PPM1L: variants seen among roughly 807,000 people sequenced by gnomAD.
PPM1L encodes the protein protein phosphatase 1L.
Under a neutral mutation model 31.4 loss-of-function variants are expected in PPM1L, and 13 were observed. That is an observed-to-expected ratio of 0.41 (90% CI 0.27 to 0.66). The LOEUF is 0.66. PPM1L is among the 30% of genes least tolerant of loss of function. The pLI, the probability that PPM1L is intolerant of heterozygous loss-of-function variation, is 0.29. For missense variants in PPM1L, 326 were observed against 453.7 expected (o/e 0.72, Z 2.56); for synonymous variants, 184 against 175.4 (o/e 1.05, Z -0.39).
At chr3:160,773,868 T>A (rs1375288478) in intron 1 of PPM1L, among the ~76,000 whole-genome samples, 1 of 152,130 alleles carries the variant, frequency 6.6e-6, no homozygotes, top group South Asian at 2.1e-4. Flanking sequence ...TTGGTTTTAA[T>A]GACACCACCT....
At chr3:160,866,489 A>T (rs1339791704) in intron 1 of PPM1L, among the ~76,000 whole-genome samples, 1 of 152,198 alleles carries the variant, frequency 6.6e-6, no homozygotes. Context: ...AACATTTAGG[A>T]ACTTAATTCT....
At chr3:160,943,169 G>A (rs571399383) in intron 1 of PPM1L, among the ~76,000 whole-genome samples, 3 of 152,244 alleles carry the variant, frequency 2.0e-5, no homozygotes, top group South Asian at 2.1e-4. Flanking sequence ...TTCTCACAGC[G>A]ATCAGGGTAA....
intron 1 of PPM1L, among the ~76,000 whole-genome samples, chr3:160,766,187 A>G (rs1202691971): frequency 2.0e-5 from 3 of 152,110 alleles, no homozygotes; most frequent in Non-Finnish European, 4.4e-5. Flanking sequence ...TTTTATTAAT[A>G]TTTATATAGG....
At position 160,966,142 on chromosome 3, in the gene PPM1L, G is replaced by C. The variant is rs1243959236; in HGVS notation, c.574+4232G>C. On this transcript the variant is annotated intron_variant, in intron 2 of 3. Coordinates refer to ENST00000498165, the MANE Select transcript of PPM1L (RefSeq NM_139245.4). ...CAACCCTACCGTGTCACAGAACTGT[G>C]GACAAGTCCATACAACAGAGGCTTT... Among the ~76,000 whole-genome samples the C allele has an allele frequency of 2.0e-5, 3 of 151,956 alleles. No individual in the cohort carries two copies. The East Asian group carries it at 5.8e-4, about 29-fold the overall frequency.
At chr3:160,868,736 T>G (rs2108027616) in intron 1 of PPM1L, among the ~76,000 whole-genome samples, 1 of 152,180 alleles carries the variant, frequency 6.6e-6, no homozygotes, top group Non-Finnish European at 1.5e-5. Context: ...ATGGTTTTAC[T>G]TGTAGAAAGC....
chr3:160,843,037 A>C lies in PPM1L; in HGVS notation c.399+86330A>C, dbSNP rs886458071. ...TTTCCAATAGTTTTTGGCTTTTACT[A>C]TTCTTAATAAGTTACACTTATAAAG... On this transcript the variant is annotated intron_variant, in intron 1 of 3. Coordinates refer to ENST00000498165, the MANE Select transcript of PPM1L (RefSeq NM_139245.4). 1.2e-4 allele frequency among the ~76,000 whole-genome samples: 18 copies of C among 152,070 alleles called. 1 individual carries two copies. The highest frequency in any genetic ancestry group is 2.2e-4 in the Non-Finnish European group (15 of 67,998).
intron 2 of PPM1L, among the ~76,000 whole-genome samples, chr3:160,973,769 T>TTG (rs1553751139): frequency 2.3e-5 from 1 of 43,942 alleles, no homozygotes; most frequent in East Asian, 1.9e-3. Flanking sequence ...GCCCTGTTTT[T>TTG]TTTTTTTTTT....
intron 1 of PPM1L, among the ~76,000 whole-genome samples, chr3:160,846,929 A>T (rs1167573794): frequency 6.6e-6 from 1 of 152,156 alleles, no homozygotes; most frequent in Non-Finnish European, 1.5e-5. Context: ...AATTTACAGT[A>T]AGAGACTCAT....
rs139109774 is a variant in PPM1L, at chr3:160,942,053, A to T, written c.400-19683A>T. On this transcript the variant is annotated intron_variant, in intron 1 of 3. Transcript: ENST00000498165. ...TTATTCATTTTCCCTTTCGAGTGTCATAGATGTTAAACATTTCACTTGATT... is the reference window on the plus strand; with the variant it reads ...TTATTCATTTTCCCTTTCGAGTGTCTTAGATGTTAAACATTTCACTTGATT... Among the ~76,000 whole-genome samples the T allele has an allele frequency of 1.3e-3, 202 of 152,326 alleles. 2 individuals carry two copies. Among genetic ancestry groups the T allele is most frequent in the African/African-American group, 4.6e-3 (193 of 41,578 alleles).
At chr3:160,758,265 T>C (rs551632732) in intron 1 of PPM1L, among the ~76,000 whole-genome samples, 2 of 152,278 alleles carry the variant, frequency 1.3e-5, no homozygotes, top group East Asian at 3.9e-4. Context: ...AAACATATCT[T>C]AATGACAAAG....
At chr3:161,053,029 G>A (rs910695190) in intron 2 of PPM1L, among the ~76,000 whole-genome samples, 2 of 152,150 alleles carry the variant, frequency 1.3e-5, no homozygotes, top group African/African-American at 4.8e-5. Flanking sequence ...AATTTGCTGG[G>A]AACCCTAAAA....
intron 2 of PPM1L, among the ~76,000 whole-genome samples, chr3:160,993,032 G>A (rs1236574312): frequency 1.3e-5 from 2 of 151,080 alleles, no homozygotes; most frequent in Non-Finnish European, 2.9e-5. Context: ...ACTCATAACT[G>A]AATTGTTGAT....
At chr3:160,818,282 A>G (rs768101026) in intron 1 of PPM1L, among the ~76,000 whole-genome samples, 5 of 152,032 alleles carry the variant, frequency 3.3e-5, no homozygotes, top group Non-Finnish European at 7.4e-5. Flanking sequence ...AGTTGAAACC[A>G]GCGTAAACTT....
At position 160,877,855 on chromosome 3, in the gene PPM1L, G is replaced by A. The variant is rs578144169; in HGVS notation, c.400-83881G>A. Among the ~76,000 whole-genome samples the A allele has an allele frequency of 3.1e-4, 47 of 152,240 alleles. 1 individual carries two copies. The highest frequency in any genetic ancestry group is 1.1e-3 in the African/African-American group (44 of 41,538). The stretch of plus-strand genomic sequence containing the variant: ...CTACTTGGCCAGTGCTCTGTTGTCT[G>A]CTCCTTACTGTACATGTGGTTGGCA... On this transcript the variant is annotated intron_variant, in intron 1 of 3. Transcript: ENST00000498165.
chr3:160,855,456 A>G (rs1008638615), intron 1 of PPM1L, among the ~76,000 whole-genome samples: 4 of 152,230 alleles, frequency 2.6e-5, no homozygotes, highest in Non-Finnish European at 5.9e-5. Flanking sequence ...AATGGGAGAA[A>G]ATATTTGCAA....
chr3:160,808,701 C>G (rs959014252), intron 1 of PPM1L, among the ~76,000 whole-genome samples: 1 of 152,120 alleles, frequency 6.6e-6, no homozygotes, highest in African/African-American at 2.4e-5. Flanking sequence ...TTATGTGCCT[C>G]GAGACAGTGG....
At chr3:160,999,274 C>T (rs776126469) in intron 2 of PPM1L, among the ~76,000 whole-genome samples, 4 of 152,116 alleles carry the variant, frequency 2.6e-5, no homozygotes, top group African/African-American at 4.8e-5. Context: ...TACTTGAAAA[C>T]GGCCGCGTGT....
intron 1 of PPM1L, among the ~76,000 whole-genome samples, chr3:160,917,967 A>G (rs747068939): frequency 7.2e-5 from 11 of 152,200 alleles, no homozygotes; most frequent in Non-Finnish European, 1.3e-4. Context: ...CACCTTGACC[A>G]CCTGGAAAAC....
At chr3:160,908,420 G>A (rs1273462399) in intron 1 of PPM1L, among the ~76,000 whole-genome samples, 2 of 152,150 alleles carry the variant, frequency 1.3e-5, no homozygotes. Context: ...CTGGATAGTT[G>A]TTTATCAGTT....
Sources: allele counts gnomAD v4.1 joint callset (sites outside exome capture counted in the v4.1 genomes callset), GRCh38; gene constraint gnomAD v4.1.1; transcripts MANE v1.5; gene names NCBI Gene and HGNC (gene_info 2026-07-23, HGNC 2026-07-21).